Variants in TBC1D32 observed in about 807,000 individuals in gnomAD.
TBC1D32 encodes the protein protein broad-minded.
A neutral mutation model predicts 170.3 loss-of-function variants in TBC1D32; 151 were observed. That is an observed-to-expected ratio of 0.89 (90% CI 0.78 to 1.01). The LOEUF is 1.01. Among genes scored for constraint, TBC1D32 ranks in the 50% least tolerant of loss-of-function variants. TBC1D32 has a pLI of 0.00. For synonymous variants in TBC1D32, 498 were observed against 488.0 expected, an observed-to-expected ratio of 1.02 and a Z score of -0.27; for missense variants, 1,464 against 1,457.1, an observed-to-expected ratio of 1.00 and a Z score of -0.08.
At chr6:121,243,733 T>C (rs1358413662) in intron 17 of TBC1D32, among the ~76,000 whole-genome samples, 1 of 151,556 alleles carries the variant, frequency 6.6e-6, no homozygotes, top group African/African-American at 2.4e-5. Flanking sequence ...GAAATCCATG[T>C]TCTCTAAAAA....
chr6:121,283,538 G>T (rs1803346805), intron 13 of TBC1D32, among the ~76,000 whole-genome samples: 1 of 151,784 alleles, frequency 6.6e-6, no homozygotes, highest in Non-Finnish European at 1.5e-5. Context: ...CCAGTATCAT[G>T]TCTTGAGAAC....
At chr6:121,318,135 C>A (rs1809189182) in intron 2 of TBC1D32, among the ~76,000 whole-genome samples, 1 of 152,010 alleles carries the variant, frequency 6.6e-6, no homozygotes, top group South Asian at 2.1e-4. Context: ...TTTATATACA[C>A]CCATAGCCAC....
Position 121,298,767 on chromosome 6 carries a change from C to T in TBC1D32, c.1140+679G>A, listed in dbSNP as rs115356529. 8.9e-3 allele frequency among the ~76,000 whole-genome samples: 1,354 copies of T among 152,126 alleles called. 25 individuals carry two copies. Among genetic ancestry groups the T allele is most frequent in the African/African-American group, 0.031 (1,278 of 41,538 alleles). The stretch of plus-strand genomic sequence containing the variant: ...TGCACTCAACCAAAAATCACAATTC[C>T]GGAATCTTTTCTTCACCTGACTTCC... On this transcript the variant is annotated intron_variant, in intron 10 of 31. Transcript: ENST00000398212.
chr6:121,079,581 G>C lies in TBC1D32; in HGVS notation c.*1190C>G, dbSNP rs1775454888. On this transcript the variant is annotated 3_prime_UTR_variant, in exon 32 of 32. Transcript: ENST00000398212. ...GTATCTACAATTAGAAAAACTTATT[G>C]AAATAAACTCATGACTAAAAATGAA... 6.6e-6 allele frequency: 1 copy of C among 152,008 alleles called. No individual in the cohort carries two copies. Among genetic ancestry groups the C allele is most frequent in the Non-Finnish European group, 1.5e-5 (1 of 67,938 alleles). 9.4% of individuals were successfully genotyped at this position (152,008 alleles called of 1,614,324 possible). A position where few individuals can be genotyped will look rare whatever the true frequency, so the allele number is the denominator to read the frequency against.
chr6:121,231,255 G>T (rs1021228881), intron 20 of TBC1D32, among the ~76,000 whole-genome samples: 20 of 151,908 alleles, frequency 1.3e-4, no homozygotes, highest in African/African-American at 4.1e-4. Flanking sequence ...AAGATCAGCT[G>T]GCTGATCTTT....
chr6:121,254,832 T>C (rs1378203096), intron 17 of TBC1D32, among the ~76,000 whole-genome samples: 1 of 152,134 alleles, frequency 6.6e-6, no homozygotes, highest in Non-Finnish European at 1.5e-5. Context: ...TCTGACTCCA[T>C]ATCCTACTGA....
intron 1 of TBC1D32, among the ~76,000 whole-genome samples, chr6:121,322,880 T>C (rs1451309005): frequency 3.3e-5 from 5 of 152,228 alleles, no homozygotes; most frequent in Non-Finnish European, 7.3e-5. Flanking sequence ...TGTTAATTCC[T>C]TGTTCATGTA....
intron 30 of TBC1D32, among the ~76,000 whole-genome samples, chr6:121,100,019 T>C (rs1470401477): frequency 2.6e-5 from 4 of 151,984 alleles, no homozygotes; most frequent in African/African-American, 9.7e-5. Context: ...GAGTATATGG[T>C]ATGTACCCAG....
At chr6:121,179,199 T>C (rs893208880) in intron 22 of TBC1D32, among the ~76,000 whole-genome samples, 3 of 151,548 alleles carry the variant, frequency 2.0e-5, no homozygotes, top group Non-Finnish European at 2.9e-5. Context: ...TACATATATA[T>C]ACACACACAC....
chr6:121,215,175 C>G (rs541666705), intron 21 of TBC1D32, among the ~76,000 whole-genome samples: 1 of 152,332 alleles, frequency 6.6e-6, no homozygotes, highest in East Asian at 1.9e-4. Flanking sequence ...CTGATTGGTC[C>G]ATGGGCAACC....
intron 24 of TBC1D32, among the ~76,000 whole-genome samples, chr6:121,139,047 T>TACTTTA (rs1245889600): frequency 6.6e-6 from 1 of 151,988 alleles, no homozygotes; most frequent in African/African-American, 2.4e-5. Context: ...AGGGTTTCAC[T>TACTTTA]GTGTTAGCCA....
chr6:121,201,661 T>C (rs963849658), intron 22 of TBC1D32, among the ~76,000 whole-genome samples: 2 of 151,464 alleles, frequency 1.3e-5, no homozygotes, highest in Admixed American at 6.6e-5. Flanking sequence ...TGTTTTCCTA[T>C]AAAATTCAGT....
At chr6:121,083,438 T>A (rs1480181167) in intron 31 of TBC1D32, among the ~76,000 whole-genome samples, 1 of 152,104 alleles carries the variant, frequency 6.6e-6, no homozygotes, top group Non-Finnish European at 1.5e-5. Flanking sequence ...ATTCTGAGTT[T>A]CAAATGTTGA....
At chr6:121,182,132 T>C (rs1788601870) in intron 22 of TBC1D32, among the ~76,000 whole-genome samples, 1 of 152,018 alleles carries the variant, frequency 6.6e-6, no homozygotes, top group African/African-American at 2.4e-5. Context: ...GAAGTAAACA[T>C]CATAAAAGTC....
At chr6:121,214,032 G>A (rs1011724324) in intron 21 of TBC1D32, among the ~76,000 whole-genome samples, 2 of 152,150 alleles carry the variant, frequency 1.3e-5, no homozygotes, top group African/African-American at 2.4e-5. Flanking sequence ...CAAGCAATGA[G>A]GAAAGAACTC....
At chr6:121,136,373 T>C (rs1376793801) in intron 24 of TBC1D32, among the ~76,000 whole-genome samples, 1 of 152,158 alleles carries the variant, frequency 6.6e-6, no homozygotes, top group Non-Finnish European at 1.5e-5. Context: ...ACTAATCTTA[T>C]AGCAGTGGTT....
At chr6:121,190,036 C>T (rs1273077757) in intron 22 of TBC1D32, among the ~76,000 whole-genome samples, 2 of 150,022 alleles carry the variant, frequency 1.3e-5, no homozygotes, top group African/African-American at 2.5e-5. Context: ...AAACACCACA[C>T]ACTATATAAT....
chr6:121,270,264 G>C (rs1233858812), intron 15 of TBC1D32, among the ~76,000 whole-genome samples: 1 of 152,056 alleles, frequency 6.6e-6, no homozygotes, highest in African/African-American at 2.4e-5. Flanking sequence ...ACTAAGATCA[G>C]AGCAGAACTG....
chr6:121,275,226 T>C (rs947829207), intron 15 of TBC1D32, among the ~76,000 whole-genome samples: 8 of 152,216 alleles, frequency 5.3e-5, no homozygotes, highest in African/African-American at 1.7e-4. Context: ...ATTGACAATT[T>C]AGCCTTAAGC....
Sources: allele counts gnomAD v4.1 joint callset (sites outside exome capture counted in the v4.1 genomes callset), GRCh38; gene constraint gnomAD v4.1.1; transcripts MANE v1.5; gene names NCBI Gene and HGNC (gene_info 2026-07-23, HGNC 2026-07-21).